Variants in ARHGEF28 observed in about 807,000 individuals in gnomAD.
ARHGEF28 encodes the protein 190 kDa guanine nucleotide exchange factor.
Under a neutral mutation model 206.6 loss-of-function variants are expected in ARHGEF28, and 152 were observed. That is an observed-to-expected ratio of 0.74 (90% CI 0.64 to 0.84). ARHGEF28 has a LOEUF of 0.84. Among genes scored for constraint, ARHGEF28 ranks in the 40% least tolerant of loss-of-function variants. The pLI is 0.00. For missense variants in ARHGEF28, 2,028 were observed against 2,073.2 expected (o/e 0.98, Z 0.42); for synonymous variants, 763 against 776.4 (o/e 0.98, Z 0.29).
At position 73,820,781 on chromosome 5, in the gene ARHGEF28, C is replaced by T. The variant is rs556883052; in HGVS notation, c.1025-11557C>T. Among the ~76,000 whole-genome samples, 14 of 152,242 alleles carry T rather than the reference C, an allele frequency of 9.2e-5. No homozygotes were observed. In the East Asian group the frequency reaches 1.7e-3, roughly 19 times the overall value. On this transcript the variant is annotated intron_variant, in intron 9 of 35. Coordinates refer to ENST00000513042, the MANE Select transcript of ARHGEF28 (RefSeq NM_001177693.2). ...ACTTCGTGTTCTTCTCAGAGGGCTT[C>T]GGGATTTATGGGATCCCATTCTCAC...
intron 29 of ARHGEF28, 80 bp downstream of exon 29, chr5:73,894,655 G>A: frequency 1.3e-6 from 2 of 1,485,034 alleles, no homozygotes; most frequent in Non-Finnish European, 1.8e-6. Context: ...ATGCACTGTG[G>A]TCTTGGTGCT....
intron 2 of ARHGEF28, among the ~76,000 whole-genome samples, chr5:73,719,340 G>A (rs1032343308): frequency 3.3e-5 from 5 of 151,690 alleles, no homozygotes; most frequent in Non-Finnish European, 7.4e-5. Context: ...GAACCCGGGA[G>A]GCGGAGCTTG....
intron 13 of ARHGEF28, among the ~76,000 whole-genome samples, chr5:73,851,571 G>A (rs558512749): frequency 6.6e-6 from 1 of 152,136 alleles, no homozygotes. Context: ...CACCAAGGGG[G>A]ACAAAGGGGT....
intron 2 of ARHGEF28, among the ~76,000 whole-genome samples, chr5:73,717,694 C>A (rs1486638896): frequency 1.3e-5 from 2 of 152,000 alleles, no homozygotes; most frequent in Non-Finnish European, 2.9e-5. Flanking sequence ...GGAAATACAA[C>A]AAGAAGAGAG....
chr5:73,880,199 G>A (rs1760822749), intron 22 of ARHGEF28, among the ~76,000 whole-genome samples: 1 of 152,188 alleles, frequency 6.6e-6, no homozygotes, highest in South Asian at 2.1e-4. Flanking sequence ...CTAGCAATCA[G>A]CGAGACTCCG....
intron 2 of ARHGEF28, among the ~76,000 whole-genome samples, chr5:73,716,643 A>C (rs1449900869): frequency 6.6e-6 from 1 of 152,190 alleles, no homozygotes; most frequent in African/African-American, 2.4e-5. Flanking sequence ...ACACCTAGCC[A>C]GCCCCAGCTA....
intron 11 of ARHGEF28, among the ~76,000 whole-genome samples, chr5:73,843,520 A>C (rs1027307503): frequency 6.6e-6 from 1 of 152,180 alleles, no homozygotes; most frequent in Non-Finnish European, 1.5e-5. Flanking sequence ...TCAAAGTGAA[A>C]TGCACTTAAT....
Position 73,909,416 on chromosome 5 carries a change from C to T in ARHGEF28, c.4166C>T (p.Ala1389Val). ...TTCCTCTGTCTGCTCTGACAGGCCGCCTTGACCATTCAGGACAGCCACATT... is the reference window on the plus strand; with the variant it reads ...TTCCTCTGTCTGCTCTGACAGGCCGTCTTGACCATTCAGGACAGCCACATT... ...LTRLLYSLQA[A>V]LTIQDSHIEI... Residue 1389 changes from alanine to valine, a missense_variant, in exon 34 of 36, where the codon GCC becomes GTC. Physicochemically the swap from Ala to Val is moderately conservative, Grantham distance 64 (BLOSUM62 0). Transcript: ENST00000513042. 2.5e-6 allele frequency: 4 copies of T among 1,599,096 alleles called. No homozygotes were observed. Among genetic ancestry groups the T allele is most frequent in the Middle Eastern group, 3.3e-4 (2 of 5,986 alleles).
At chr5:73,695,669 C>G (rs1303365717) in intron 2 of ARHGEF28, among the ~76,000 whole-genome samples, 2 of 152,210 alleles carry the variant, frequency 1.3e-5, no homozygotes, top group African/African-American at 4.8e-5. Context: ...CAACCTTTGT[C>G]CTCTGTCTTG....
chr5:73,751,895 C>T (rs146453824), intron 3 of ARHGEF28, among the ~76,000 whole-genome samples: 10 of 151,664 alleles, frequency 6.6e-5, no homozygotes, highest in Admixed American at 2.0e-4. Flanking sequence ...ATTCTGTGCC[C>T]GTACCATGAG....
At chr5:73,896,525 CA>C (rs571995937) in intron 29 of ARHGEF28, among the ~76,000 whole-genome samples, 1 of 152,116 alleles carries the variant, frequency 6.6e-6, no homozygotes, top group Non-Finnish European at 1.5e-5. Flanking sequence ...GCTGAATGGA[CA>C]AGAGATTAGG....
At chr5:73,642,014 C>A (rs891642233) in intron 1 of ARHGEF28, among the ~76,000 whole-genome samples, 6 of 152,188 alleles carry the variant, frequency 3.9e-5, no homozygotes, top group African/African-American at 7.2e-5. Flanking sequence ...GGGTTTGTAG[C>A]CTGTTTATTG....
intron 7 of ARHGEF28, among the ~76,000 whole-genome samples, chr5:73,783,277 G>A (rs1487552962): frequency 6.6e-6 from 1 of 151,854 alleles, no homozygotes. Flanking sequence ...AATTCTACAT[G>A]CAATACAAAG....
chr5:73,783,050 C>T (rs1373630689), intron 7 of ARHGEF28, among the ~76,000 whole-genome samples: 1 of 152,084 alleles, frequency 6.6e-6, no homozygotes, highest in African/African-American at 2.4e-5. Context: ...ACACTGAGGT[C>T]TAAAGGAGTA....
chr5:73,809,572 AG>A (rs1181873606), intron 9 of ARHGEF28, among the ~76,000 whole-genome samples: 1 of 152,220 alleles, frequency 6.6e-6, no homozygotes, highest in Non-Finnish European at 1.5e-5. Context: ...GTCCCCCTGG[AG>A]GATGAGAAAA....
At chr5:73,907,429 A>T (rs1018126119) in intron 33 of ARHGEF28, among the ~76,000 whole-genome samples, 17 of 152,218 alleles carry the variant, frequency 1.1e-4, no homozygotes, top group Admixed American at 6.5e-4. Flanking sequence ...GAATTATTTT[A>T]ATCTGAGCTG....
At chr5:73,629,381 C>T (rs1743218302) in intron 1 of ARHGEF28, among the ~76,000 whole-genome samples, 1 of 151,694 alleles carries the variant, frequency 6.6e-6, no homozygotes, top group African/African-American at 2.4e-5. Flanking sequence ...GTGGTGTGTG[C>T]CTATAGTCCC....
At chr5:73,857,524 C>A in intron 14 of ARHGEF28, 132 bp from the exon 15 acceptor site, 1 of 917,062 alleles carries the variant, frequency 1.1e-6, no homozygotes, top group Non-Finnish European at 1.6e-6. Context: ...TTAGAACAGC[C>A]ACTAAAACCT....
rs572077520 is a variant in ARHGEF28 at position 73,896,913 on chromosome 5, C to T, written c.3842-1049C>T. On this transcript the variant is annotated intron_variant, in intron 29 of 35. Transcript: ENST00000513042. ...AGAACCCAGAGCAATGGAGGTGCTG[C>T]GTGAGCCGCAGTTGGATAATCCACC... is the stretch of plus-strand genomic sequence containing the variant. 5.9e-5 allele frequency among the ~76,000 whole-genome samples: 9 copies of T among 152,318 alleles called. No homozygotes were observed. In the East Asian group the frequency reaches 7.7e-4, roughly 13 times the overall value.
Sources: gnomAD v4.1 joint callset for allele counts (sites outside exome capture counted in the v4.1 genomes callset) on GRCh38, gnomAD v4.1.1 for gene constraint, MANE v1.5 for transcripts, NCBI Gene and HGNC (gene_info 2026-07-23, HGNC 2026-07-21) for gene names.